Variants in HMCN1 observed in about 807,000 individuals in gnomAD.
HMCN1 encodes hemicentin 1, also known as hemicentin-1.
HMCN1 carries 321 observed loss-of-function variants against 625.9 expected under a neutral mutation model. The ratio of observed to expected loss-of-function variants is 0.51; its 90% confidence interval spans 0.47 to 0.56. The LOEUF (loss-of-function observed/expected upper bound fraction) is 0.56, where lower values mean the gene tolerates loss of function less well. Among genes scored for constraint, HMCN1 ranks in the 20% least tolerant of loss-of-function variants. HMCN1 has a pLI of 0.00. For synonymous variants in HMCN1, 2,425 were observed against 2,417.6 expected (o/e 1.00, Z -0.09); for missense variants, 6,588 against 6,887.3 (o/e 0.96, Z 1.54).
rs1653693594 is a variant in HMCN1, at chr1:186,007,168, A to G, written c.4516A>G (p.Arg1506Gly). 6.2e-7 allele frequency: 1 copy of G among 1,613,328 alleles called. No homozygotes were observed. Among genetic ancestry groups the G allele is most frequent in the Non-Finnish European group, 8.5e-7 (1 of 1,179,322 alleles). The change falls in exon 30 of 107, where the codon AGA (arginine) becomes GGA (glycine). Residue 1506 changes from arginine (R) to glycine (G), a missense_variant. By Grantham distance (125) the Arg-to-Gly change is moderately radical (BLOSUM62 -2). Around this residue, in one of 3 missense-constraint regions of HMCN1, gnomAD observed 4,628 missense variants for 4,853.1 expected, o/e 0.95. Transcript: ENST00000271588. ...LGDPNVELLD[R>G]GQVLHLKNAR... ...CGATCCTAATGTTGAACTTCTAGAC[A>G]GAGGACAAGTCTTACATTTAAAGAA...
chr1:186,048,765 A>G lies in HMCN1; in HGVS notation c.6503A>G (p.Asp2168Gly), dbSNP rs377460493. The change falls in exon 42 of 107, where the codon GAC becomes GGC. Residue 2168 changes from aspartate to glycine, a missense_variant. Transcript: ENST00000271588. ...CAGATTGAAGATGCTCAGGTTCAAG[A>G]CACTGGTCGTTACACTTGTGAAGCA... ...VLKIEDAQVQ[D>G]TGRYTCEATN... is the part of the protein sequence containing the mutation. The G allele has an allele frequency of 3.7e-5, 59 of 1,610,352 alleles. No individual in the cohort carries two copies. Among genetic ancestry groups the G allele is most frequent in the Non-Finnish European group, 4.9e-5 (58 of 1,177,112 alleles).
At chr1:186,179,348 C>A (rs1055920092) in intron 104 of HMCN1, among the ~76,000 whole-genome samples, 1 of 152,158 alleles carries the variant, frequency 6.6e-6, no homozygotes, top group African/African-American at 2.4e-5. Flanking sequence ...TATGTGCTTG[C>A]AGTATCTTTA....
At chr1:186,073,452 G>A (rs143998781) in intron 52 of HMCN1, among the ~76,000 whole-genome samples, 51 of 152,124 alleles carry the variant, frequency 3.4e-4, no homozygotes, top group Middle Eastern at 3.4e-3. Flanking sequence ...TGTAGAGGTG[G>A]GCTGCAGCAA....
At chr1:186,170,590 T>C (rs190048736) in intron 100 of HMCN1, among the ~76,000 whole-genome samples, 16 of 151,966 alleles carry the variant, frequency 1.1e-4, no homozygotes, top group Admixed American at 7.9e-4. Context: ...TTAAAATGCA[T>C]AGGAGGAGGG....
At chr1:185,898,156 C>T (rs968513931) in intron 4 of HMCN1, among the ~76,000 whole-genome samples, 5 of 152,186 alleles carry the variant, frequency 3.3e-5, no homozygotes, top group African/African-American at 7.2e-5. Context: ...CACCTATGGG[C>T]GTAATACAGA....
intron 1 of HMCN1, among the ~76,000 whole-genome samples, chr1:185,793,763 A>G (rs56331179): frequency 0.091 from 13,854 of 152,150 alleles, 2,035 homozygotes; most frequent in African/African-American, 0.31. Flanking sequence ...TTTTCAGGGG[A>G]CATTTTTCAA....
At chr1:186,112,721 G>A in intron 71 of HMCN1, 91 bp from the exon 72 acceptor site, 1 of 1,490,596 alleles carries the variant, frequency 6.7e-7, no homozygotes, top group Non-Finnish European at 9.2e-7. Context: ...CAGGTCCACA[G>A]TTCACTATAC....
chr1:186,045,345 CTTA>C, intron 40 of HMCN1, among the ~76,000 whole-genome samples: 1 of 152,162 alleles, frequency 6.6e-6, no homozygotes, highest in Non-Finnish European at 1.5e-5. Context: ...TCACTCTTAG[CTTA>C]TTATTGTTTC....
chr1:185,968,582 C>T (rs1373248476), intron 14 of HMCN1, among the ~76,000 whole-genome samples: 1 of 151,642 alleles, frequency 6.6e-6, no homozygotes, highest in Admixed American at 6.6e-5. Context: ...TTTAAACAAA[C>T]ATTTTTGATA....
rs776366059 is a variant in HMCN1, at chr1:186,093,686, T to C, written c.10196+17T>C. On this transcript the variant is annotated intron_variant, in intron 66 of 106. Coordinates refer to ENST00000271588, the MANE Select transcript of HMCN1 (RefSeq NM_031935.3). ...AGTTATCAGGTCAGCTTTTATTGTG[T>C]CTGATTTCCTAAACAGATGAAGTAA... 1 of 1,612,834 alleles carries C rather than the reference T, an allele frequency of 6.2e-7. No individual in the cohort carries two copies. The highest frequency in any genetic ancestry group is 2.2e-5 in the East Asian group (1 of 44,848).
chr1:186,086,202 G>A (rs773057523), intron 57 of HMCN1, 44 bp from the exon 58 acceptor site: 15 of 1,544,434 alleles, frequency 9.7e-6, no homozygotes, highest in Non-Finnish European at 8.9e-7. Context: ...GGGAATATAT[G>A]TTGATAACAC....
chr1:186,107,242 C>T (rs944425626), intron 70 of HMCN1, among the ~76,000 whole-genome samples: 2 of 152,114 alleles, frequency 1.3e-5, no homozygotes, highest in Non-Finnish European at 2.9e-5. Context: ...CCTGCCACCA[C>T]GCCCGGCTAA....
chr1:186,165,259 C>G, intron 98 of HMCN1, 86 bp downstream of exon 98: 1 of 1,113,774 alleles, frequency 9.0e-7, no homozygotes, highest in Non-Finnish European at 1.4e-6. Context: ...TGCCCTTTCA[C>G]TAGGTATTTA....
chr1:185,909,631 G>A, intron 5 of HMCN1, 123 bp downstream of exon 5: 1 of 843,594 alleles, frequency 1.2e-6, no homozygotes, highest in Non-Finnish European at 1.9e-6. Flanking sequence ...ATTCAGAAGT[G>A]GCTAAGGAAG....
intron 36 of HMCN1, among the ~76,000 whole-genome samples, chr1:186,030,291 T>C (rs577253443): frequency 5.7e-4 from 87 of 152,186 alleles, no homozygotes; most frequent in Non-Finnish European, 5.6e-4. Flanking sequence ...GATATCGAAG[T>C]CTCTTAACTT....
rs1651866807 is a variant in HMCN1 at position 185,984,307 on chromosome 1, G to T, written c.2929G>T (p.Val977Leu). The change falls in exon 19 of 107, where the codon GTG (valine) becomes TTG (leucine). Residue 977 changes from valine to leucine, a missense_variant. Val to Leu is a conservative substitution (Grantham distance 32). Transcript: ENST00000271588. ...GTNNKTTSVV[V>L]HVLPTIQHGQ... Reference sequence around the variant, plus strand: ...CAATAACAAAACTACCTCTGTGGTTGTGCATGGTAAGAGACACACCCAATG... The same window carrying T: ...CAATAACAAAACTACCTCTGTGGTTTTGCATGGTAAGAGACACACCCAATG... The T allele has an allele frequency of 6.2e-7, 1 of 1,613,986 alleles. No homozygotes were observed. Among genetic ancestry groups the T allele is most frequent in the Non-Finnish European group, 8.5e-7 (1 of 1,179,914 alleles).
chr1:185,996,676 G>A (rs767234366), intron 24 of HMCN1, among the ~76,000 whole-genome samples: 3 of 152,060 alleles, frequency 2.0e-5, no homozygotes, highest in East Asian at 1.9e-4. Context: ...GGAAAAGAAG[G>A]GAATGGGCTA....
At chr1:185,989,818 A>G (rs1386564860) in intron 21 of HMCN1, among the ~76,000 whole-genome samples, 171 bp downstream of exon 21, 1 of 150,504 alleles carries the variant, frequency 6.6e-6, no homozygotes, top group Non-Finnish European at 1.5e-5. Context: ...TTTACTGCCA[A>G]CCAAAATCAC....
chr1:185,921,997 G>A (rs1422683721), intron 6 of HMCN1, among the ~76,000 whole-genome samples: 2 of 152,180 alleles, frequency 1.3e-5, no homozygotes, highest in African/African-American at 4.8e-5. Context: ...GAACCTGGAT[G>A]TATTTGTGGA....
Sources: allele counts gnomAD v4.1 joint callset (sites outside exome capture counted in the v4.1 genomes callset), GRCh38; gene constraint gnomAD v4.1.1; regional missense constraint gnomAD v4.1.1; transcripts MANE v1.5; gene names NCBI Gene and HGNC (gene_info 2026-07-23, HGNC 2026-07-21).